FYB1: variants seen among roughly 807,000 people sequenced by gnomAD.
FYB1 encodes FYN binding protein 1.
Under a neutral mutation model 94.1 loss-of-function variants are expected in FYB1, and 41 were observed. That is an observed-to-expected ratio of 0.44 (90% CI 0.34 to 0.57). The LOEUF (loss-of-function observed/expected upper bound fraction) is 0.57, where lower values mean the gene tolerates loss of function less well. FYB1 is among the 20% of genes least tolerant of loss of function. FYB1 has a pLI of 0.02. For missense variants in FYB1, 1,050 were observed against 976.8 expected (o/e 1.07, Z -1.00); for synonymous variants, 367 against 353.2 (o/e 1.04, Z -0.44).
At position 39,118,957 on chromosome 5, in the gene FYB1, A is replaced by G; in HGVS notation, c.2318T>C (p.Leu773Pro). The change falls in exon 16 of 19, where the codon CTA becomes CCA. Residue 773 changes from leucine (L) to proline (P), a missense_variant. By Grantham distance (98) the Leu-to-Pro change is moderately conservative (BLOSUM62 -3). Coordinates refer to ENST00000512982, the MANE Select transcript of FYB1 (RefSeq NM_001465.6). Reference sequence around the variant, plus strand: ...TAGAGATTCACCAGGTTTTACCTGTAGATCTCTGGTTCCCCACTTTTTAGA... The same window carrying G: ...TAGAGATTCACCAGGTTTTACCTGTGGATCTCTGGTTCCCCACTTTTTAGA... Reference protein sequence around the residue: ...ITSKKWGTRDLQVKPGESLEV... With the variant: ...ITSKKWGTRDPQVKPGESLEV... 1 of 1,574,574 alleles carries G rather than the reference A, an allele frequency of 6.4e-7. No individual in the cohort carries two copies. The highest frequency in any genetic ancestry group is 8.7e-7 in the Non-Finnish European group (1 of 1,153,952).
At chr5:39,197,236 A>T (rs260083) in intron 2 of FYB1, among the ~76,000 whole-genome samples, 129,555 of 152,238 alleles carry the variant, frequency 0.85, 56,208 homozygotes, top group Non-Finnish European at 0.93. Flanking sequence ...CCCGTCAATA[A>T]CTATTAAATC....
chr5:39,208,072 A>G (rs1749019419), intron 1 of FYB1, among the ~76,000 whole-genome samples: 1 of 152,220 alleles, frequency 6.6e-6, no homozygotes, highest in Non-Finnish European at 1.5e-5. Context: ...ATAACTGTAT[A>G]GAAACTAAAT....
intron 1 of FYB1, among the ~76,000 whole-genome samples, chr5:39,243,217 T>A (rs1097199): frequency 0.061 from 9,306 of 151,752 alleles, 771 homozygotes; most frequent in East Asian, 0.2. Flanking sequence ...TCCTTGCCCA[T>A]GCCTATGTCC....
rs903971916 is a variant in FYB1 at position 39,245,192 on chromosome 5, AAG to A, written c.-28+29209_-28+29210del. On this transcript the variant is annotated intron_variant, in intron 1 of 1. Transcript: ENST00000510188. Reference sequence around the variant, plus strand: ...GAGGGAGTGGTATAAGAGAAAAAGAAAGAGAGAGAGATACTTTTCTTATCTGT... The same window carrying A: ...GAGGGAGTGGTATAAGAGAAAAAGAAAGAGAGAGATACTTTTCTTATCTGT... 3.9e-5 allele frequency among the ~76,000 whole-genome samples: 6 copies of A among 152,296 alleles called. No individual in the cohort carries two copies. In the East Asian group the frequency reaches 7.7e-4, roughly 20 times the overall value.
At chr5:39,225,223 T>C (rs1001060027) in intron 1 of FYB1, among the ~76,000 whole-genome samples, 1 of 152,178 alleles carries the variant, frequency 6.6e-6, no homozygotes, top group African/African-American at 2.4e-5. Context: ...CCCATATATA[T>C]ACATGTATGT....
intron 16 of FYB1, 39 bp downstream of exon 16, chr5:39,118,835 C>T (rs1739804939): frequency 2.4e-6 from 3 of 1,262,642 alleles, no homozygotes; most frequent in African/African-American, 1.5e-5. Context: ...TCTGGAGTGA[C>T]ATATATATGC....
chr5:39,140,134 A>G (rs1291770045), intron 4 of FYB1: 1 of 152,236 alleles, frequency 6.6e-6, no homozygotes, highest in Non-Finnish European at 1.5e-5. Context: ...AAATTAATAC[A>G]TTCGATTATA....
chr5:39,188,540 CTTTTTTTT>C (rs35086739), intron 2 of FYB1, among the ~76,000 whole-genome samples: 1 of 69,620 alleles, frequency 1.4e-5, no homozygotes, highest in East Asian at 4.0e-4. Context: ...AACTACAGCA[CTTTTTTTT>C]TTTTTTTTTT....
At chr5:39,218,440 C>A (rs1298112359) in intron 1 of FYB1, among the ~76,000 whole-genome samples, 1 of 152,190 alleles carries the variant, frequency 6.6e-6, no homozygotes, top group Non-Finnish European at 1.5e-5. Flanking sequence ...ATTCCCATAG[C>A]ATGGGCAGAA....
rs1738953263 is a variant in FYB1 at position 39,110,370 on chromosome 5, A to C, written c.2421T>G (p.Ser807Arg). Residue 807 changes from serine to arginine, a missense_variant, in exon 17 of 19, where the codon AGT becomes AGG. Coordinates refer to ENST00000512982, the MANE Select transcript of FYB1 (RefSeq NM_001465.6). The part of the protein sequence containing the change: ...EEGKYGYVLR[S>R]YLADNDGEIY... ...AATGGGCTTACTTGTCCGCTAGGTA[A>C]CTCCGAAGGACATAACCATCTACGA... is the stretch of plus-strand genomic sequence containing the variant. 4.4e-6 allele frequency: 7 copies of C among 1,595,602 alleles called. No homozygotes were observed. The highest frequency in any genetic ancestry group is 6.0e-6 in the Non-Finnish European group (7 of 1,168,182).
At chr5:39,271,891 C>T (rs1054781675) in intron 1 of FYB1, among the ~76,000 whole-genome samples, 9 of 152,096 alleles carry the variant, frequency 5.9e-5, no homozygotes, top group African/African-American at 1.7e-4. Context: ...AAAGCAAGAG[C>T]GAGGTATGGG....
intron 1 of FYB1, among the ~76,000 whole-genome samples, chr5:39,264,348 A>G (rs939895245): frequency 4.6e-5 from 7 of 152,248 alleles, no homozygotes; most frequent in Non-Finnish European, 1.0e-4. Context: ...TTACAAGACT[A>G]TGACCAATCT....
chr5:39,122,398 C>G lies in FYB1; in HGVS notation c.2076G>C (p.Met692Ile), dbSNP rs774449257. 29 of 1,566,622 alleles carry G rather than the reference C, an allele frequency of 1.9e-5. No homozygotes were observed. In the African/African-American group the frequency reaches 3.8e-4, roughly 20 times the overall value. The change falls in exon 14 of 19, where the codon ATG (methionine) becomes ATC (isoleucine). Residue 692 changes from methionine (M) to isoleucine (I), a missense_variant. Coordinates refer to ENST00000512982, the MANE Select transcript of FYB1 (RefSeq NM_001465.6). ...SFPAPPKQLDMGDEVYDDVDT... is the reference protein window; with the variant it reads ...SFPAPPKQLDIGDEVYDDVDT... ...CCACATCATCGTAAACTTCATCTCCCATGTCTAACAAAAGACAGAATATCA... is the reference window on the plus strand; with the variant it reads ...CCACATCATCGTAAACTTCATCTCCGATGTCTAACAAAAGACAGAATATCA...
intron 11 of FYB1, 138 bp from the exon 12 acceptor site, chr5:39,126,273 G>T: frequency 1.2e-6 from 1 of 868,904 alleles, no homozygotes; most frequent in Non-Finnish European, 1.7e-6. Context: ...TCATTTTATT[G>T]GACAAAATAG....
intron 1 of FYB1, among the ~76,000 whole-genome samples, chr5:39,234,824 AG>A (rs1358307215): frequency 6.6e-6 from 1 of 151,880 alleles, no homozygotes; most frequent in Non-Finnish European, 1.5e-5. Context: ...CTTACTCATA[AG>A]TGGGAGTTGA....
At chr5:39,269,499 G>C (rs1328961723) in intron 1 of FYB1, 1 of 152,262 alleles carries the variant, frequency 6.6e-6, no homozygotes, top group Non-Finnish European at 1.5e-5. Context: ...CCTCTACCGT[G>C]TACTCCCCTT....
At chr5:39,110,703 G>A (rs1407764879) in intron 16 of FYB1, 8 of 311,474 alleles carry the variant, frequency 2.6e-5, no homozygotes, top group Middle Eastern at 6.7e-4. Flanking sequence ...AGTTCAGTGT[G>A]TTACCCCCAT....
At chr5:39,141,585 T>C (rs1742188461) in intron 3 of FYB1, among the ~76,000 whole-genome samples, 1 of 152,028 alleles carries the variant, frequency 6.6e-6, no homozygotes, top group Non-Finnish European at 1.5e-5. Flanking sequence ...AAGTCAGGAG[T>C]TCCAGACCAG....
chr5:39,252,039 G>C (rs1751734541), intron 1 of FYB1, among the ~76,000 whole-genome samples: 1 of 152,150 alleles, frequency 6.6e-6, no homozygotes, highest in African/African-American at 2.4e-5. Context: ...CAGCTACTCA[G>C]GTGGCTGAGG....
Sources: gnomAD v4.1 joint callset for allele counts (sites outside exome capture counted in the v4.1 genomes callset) on GRCh38, gnomAD v4.1.1 for gene constraint, MANE v1.5 for transcripts, NCBI Gene and HGNC (gene_info 2026-07-23, HGNC 2026-07-21) for gene names.